TGM2: variants seen among roughly 807,000 people sequenced by gnomAD.
The protein encoded by TGM2 is transglutaminase 2.
TGM2 carries 53 observed loss-of-function variants against 75.6 expected under a neutral mutation model. That is an observed-to-expected ratio of 0.70 (90% CI 0.56 to 0.88). The LOEUF is 0.88. TGM2 is among the 40% of genes least tolerant of loss of function. The probability of loss-of-function intolerance (pLI) is 0.00; values close to 1 mark genes in which losing one functional copy is unlikely to be tolerated. For missense variants in TGM2, 842 were observed against 928.5 expected (o/e 0.91, Z 1.21); for synonymous variants, 374 against 381.1 (o/e 0.98, Z 0.22).
chr20:38,137,003 C>A (rs567043272), intron 10 of TGM2, among the ~76,000 whole-genome samples: 3 of 152,218 alleles, frequency 2.0e-5, no homozygotes, highest in Admixed American at 1.3e-4. Context: ...CATGTCACTG[C>A]GAAGGGGATC....
chr20:38,162,248 C>T (rs1298756637), intron 1 of TGM2, among the ~76,000 whole-genome samples: 1 of 152,216 alleles, frequency 6.6e-6, no homozygotes, highest in Non-Finnish European at 1.5e-5. Flanking sequence ...GCATGTAAAA[C>T]ACTTAGTACA....
At position 38,142,057 on chromosome 20, in the gene TGM2, A is replaced by G. The variant is rs1379059302; in HGVS notation, c.995+7T>C. On this transcript the variant is annotated splice_region_variant and intron_variant, in intron 7 of 12. Coordinates refer to ENST00000361475, the MANE Select transcript of TGM2 (RefSeq NM_004613.4). ...GGGCTCCGATCCCACCCTGGCCCCC[A>G]CCTCACCAGATCATCTCGCTCTTGT... The G allele has an allele frequency of 6.2e-7, 1 of 1,613,846 alleles. No individual in the cohort carries two copies. Among genetic ancestry groups the G allele is most frequent in the Admixed American group, 1.7e-5 (1 of 59,988 alleles).
intron 9 of TGM2, among the ~76,000 whole-genome samples, chr20:38,138,647 T>C (rs1289479769): frequency 1.3e-5 from 2 of 152,334 alleles, no homozygotes; most frequent in East Asian, 3.9e-4. Flanking sequence ...TGTGTTGTTT[T>C]CTGTTTCAAA....
At chr20:38,153,528 A>AAAAAAAAAAAAAAAAGAAAAAG (rs56670550) in intron 3 of TGM2, among the ~76,000 whole-genome samples, 1 of 125,254 alleles carries the variant, frequency 8.0e-6, no homozygotes, top group African/African-American at 3.4e-5. Flanking sequence ...TGGTCTCAAA[A>AAAAAAAAAAAAAAAAGAAAAAG]AAAAGAAAAA....
intron 3 of TGM2, among the ~76,000 whole-genome samples, chr20:38,153,435 G>C (rs925362444): frequency 9.9e-5 from 15 of 151,312 alleles, no homozygotes; most frequent in Admixed American, 3.3e-4. Context: ...TGAGGCATGA[G>C]AATCATTTCA....
intron 6 of TGM2, among the ~76,000 whole-genome samples, chr20:38,143,101 A>T (rs532678607): frequency 3.3e-5 from 5 of 152,336 alleles, no homozygotes; most frequent in Admixed American, 2.0e-4. Flanking sequence ...CAGGCCTGTC[A>T]TTGACTATTT....
At chr20:38,135,181 TG>T (rs1386269705) in intron 10 of TGM2, among the ~76,000 whole-genome samples, 1 of 152,202 alleles carries the variant, frequency 6.6e-6, no homozygotes, top group Non-Finnish European at 1.5e-5. Flanking sequence ...CACAGAGGCC[TG>T]GGAGGAAGTG....
intron 6 of TGM2, among the ~76,000 whole-genome samples, chr20:38,145,100 G>A (rs1271547891): frequency 2.6e-5 from 4 of 152,172 alleles, no homozygotes; most frequent in Admixed American, 6.5e-5. Context: ...ACAAGAAAAA[G>A]GAATTCAGAG....
At chr20:38,161,702 C>A (rs955923486) in intron 1 of TGM2, 103 bp from the exon 2 acceptor site, 9 of 1,372,614 alleles carry the variant, frequency 6.6e-6, no homozygotes, top group Non-Finnish European at 9.3e-6. Context: ...CCTCTTACTC[C>A]CCACAAAGCA....
At chr20:38,136,959 T>C (rs1368783887) in intron 10 of TGM2, among the ~76,000 whole-genome samples, 3 of 152,220 alleles carry the variant, frequency 2.0e-5, no homozygotes, top group African/African-American at 7.2e-5. Context: ...GACAAAGTCT[T>C]GGCTCGGGGC....
chr20:38,148,319 T>G (rs148342956), intron 4 of TGM2, among the ~76,000 whole-genome samples: 1 of 152,172 alleles, frequency 6.6e-6, no homozygotes, highest in Non-Finnish European at 1.5e-5. Flanking sequence ...AGGGTAACAA[T>G]TTTCATCCAG....
chr20:38,151,038 G>A lies in TGM2; in HGVS notation c.453C>T (p.Asp151=). Residue 151 remains aspartate (D), a synonymous_variant, in exon 4 of 13, where the codon GAC becomes GAT. Coordinates refer to ENST00000361475, the MANE Select transcript of TGM2 (RefSeq NM_004613.4). ...CATACTCCTGCCGCTCCTCTTCCGAGTCCAGGTACACAGCATCCGCTGCAG... is the reference window on the plus strand; with the variant it reads ...CATACTCCTGCCGCTCCTCTTCCGAATCCAGGTACACAGCATCCGCTGCAG... ...AWCPADAVYL[D]SEEERQEYVL... is the part of the protein sequence containing the mutation. 6.2e-7 allele frequency: 1 copy of A among 1,614,098 alleles called. No individual in the cohort carries two copies. Among genetic ancestry groups the A allele is most frequent in the Non-Finnish European group, 8.5e-7 (1 of 1,179,940 alleles).
Position 38,130,376 on chromosome 20 carries a change from G to C in TGM2, c.1914-7C>G, listed in dbSNP as rs2076377. ...TGCCTCCACGGGGTCTGGGCTGCAG[G>C]GAGAGAGGGGGTGGTGAGGAAAGGG... is the stretch of plus-strand genomic sequence containing the variant. On this transcript the variant is annotated splice_region_variant and splice_polypyrimidine_tract_variant and intron_variant, in intron 12 of 12. Coordinates refer to ENST00000361475, the MANE Select transcript of TGM2 (RefSeq NM_004613.4). The C allele has an allele frequency of 0.17, 264,847 of 1,580,932 alleles. 27,505 individuals carry two copies. Among genetic ancestry groups the C allele is most frequent in the African/African-American group, 0.49 (36,391 of 74,552 alleles).
chr20:38,155,796 G>T lies in TGM2; in HGVS notation c.433+51C>A, dbSNP rs377306083. 6.4e-6 allele frequency: 10 copies of T among 1,561,876 alleles called. No individual in the cohort carries two copies. In the Admixed American group the frequency reaches 1.9e-4, roughly 30 times the overall value. On this transcript the variant is annotated intron_variant, in intron 3 of 12. Transcript: ENST00000361475. ...ACCTCCAGTAGCCTCCTCCATGGGC[G>T]GATCCAGCCCTGCCCACCCCAACGC...
chr20:38,147,916 C>A, intron 5 of TGM2, 45 bp downstream of exon 5: 1 of 1,584,942 alleles, frequency 6.3e-7, no homozygotes, highest in African/African-American at 1.3e-5. Flanking sequence ...CCTGCGGGAG[C>A]CCCCTGTAGG....
chr20:38,165,527 G>A (rs952718986), upstream of TGM2, among the ~76,000 whole-genome samples: 17 of 152,022 alleles, frequency 1.1e-4, no homozygotes, highest in African/African-American at 3.4e-4. Context: ...TCAGACCTTG[G>A]AGAACAGACA....
At chr20:38,164,887 A>T (rs978124635) in intron 1 of TGM2, among the ~76,000 whole-genome samples, 6 of 152,200 alleles carry the variant, frequency 3.9e-5, no homozygotes, top group Non-Finnish European at 8.8e-5. Context: ...GGCACACATC[A>T]GAGAGCCAGC....
chr20:38,152,115 A>G (rs2122934379), intron 3 of TGM2, among the ~76,000 whole-genome samples: 1 of 152,278 alleles, frequency 6.6e-6, no homozygotes, highest in East Asian at 1.9e-4. Context: ...ACATATTAAA[A>G]CCTATTGTTC....
chr20:38,143,086 C>T (rs1236411081), intron 6 of TGM2, among the ~76,000 whole-genome samples: 1 of 152,162 alleles, frequency 6.6e-6, no homozygotes, highest in East Asian at 1.9e-4. Context: ...TCCTGGAGCC[C>T]AGCACAGGCC....
Sources: gnomAD v4.1 joint callset for allele counts (sites outside exome capture counted in the v4.1 genomes callset) on GRCh38, gnomAD v4.1.1 for gene constraint, MANE v1.5 for transcripts, NCBI Gene and HGNC (gene_info 2026-07-23, HGNC 2026-07-21) for gene names.